HRH1: variants seen among roughly 807,000 people sequenced by gnomAD.
The protein encoded by HRH1 is histamine receptor H1.
A neutral mutation model predicts 10.3 loss-of-function variants in HRH1; 6 were observed. The observed-to-expected ratio is 0.58, with a 90% CI of 0.32 to 1.15. The LOEUF (loss-of-function observed/expected upper bound fraction) is 1.15, where lower values mean the gene tolerates loss of function less well. Ranked by LOEUF, HRH1 falls within the 50% of genes most tolerant of loss-of-function variation. The pLI, the probability that HRH1 is intolerant of heterozygous loss-of-function variation, is 0.05. For synonymous variants in HRH1, 242 were observed against 236.7 expected (o/e 1.02, Z -0.21); for missense variants, 514 against 615.3 (o/e 0.84, Z 1.74).
intron 1 of HRH1, among the ~76,000 whole-genome samples, chr3:11,197,370 C>T (rs1937702306): frequency 6.6e-6 from 1 of 152,164 alleles, no homozygotes; most frequent in Non-Finnish European, 1.5e-5. Context: ...TTTTGCCCAA[C>T]TTTATAACTT....
chr3:11,199,112 G>T (rs776731427), intron 1 of HRH1, among the ~76,000 whole-genome samples: 1 of 151,980 alleles, frequency 6.6e-6, no homozygotes, highest in African/African-American at 2.4e-5. Flanking sequence ...TTAGCAGAGG[G>T]TTTCACCGTG....
At chr3:11,218,959 C>T (rs571438966) in intron 1 of HRH1, among the ~76,000 whole-genome samples, 21 of 152,250 alleles carry the variant, frequency 1.4e-4, no homozygotes, top group Admixed American at 5.9e-4. Flanking sequence ...GGCGTGATCT[C>T]GGCTCACTGC....
intron 1 of HRH1, among the ~76,000 whole-genome samples, chr3:11,172,880 T>C (rs1332007658): frequency 6.9e-6 from 1 of 145,492 alleles, no homozygotes; most frequent in African/African-American, 2.5e-5. Context: ...TTTTTTGTAT[T>C]TTTAGTAGAG....
rs1281109347 is a variant in HRH1 at position 11,259,726 on chromosome 3, C to G, written c.689C>G (p.Ser230Cys). 2 of 1,614,022 alleles carry G rather than the reference C, an allele frequency of 1.2e-6. No individual in the cohort carries two copies. Among genetic ancestry groups the G allele is most frequent in the Non-Finnish European group, 1.7e-6 (2 of 1,179,960 alleles). ...CAGCACCGGGAGCTCATCAATAGGT[C>G]CCTCCCTTCCTTCTCAGAAATTAAG... ...HCQHRELINR[S>C]LPSFSEIKLR... Residue 230 changes from serine (S) to cysteine (C), a missense_variant, in exon 2 of 2, where the codon TCC becomes TGC. Physicochemically the swap from Ser to Cys is moderately radical, Grantham distance 112. Coordinates refer to ENST00000431010, the MANE Select transcript of HRH1 (RefSeq NM_001098212.2). The surrounding 1 kb of genome is among the most constrained non-coding windows in gnomAD (Gnocchi z 4.6).
chr3:11,254,868 T>C (rs1939743947), intron 1 of HRH1, among the ~76,000 whole-genome samples: 1 of 151,786 alleles, frequency 6.6e-6, no homozygotes, highest in Non-Finnish European at 1.5e-5. Context: ...AGGGCAGGGG[T>C]TTTTAATCCC....
intron 1 of HRH1, among the ~76,000 whole-genome samples, chr3:11,223,740 G>A (rs1245384580): frequency 6.6e-6 from 1 of 152,194 alleles, no homozygotes; most frequent in East Asian, 1.9e-4. Context: ...AGAAAAGGGG[G>A]AAAGGGAAAT....
intron 1 of HRH1, among the ~76,000 whole-genome samples, chr3:11,162,285 A>G (rs1190209203): frequency 1.3e-5 from 2 of 152,098 alleles, no homozygotes; most frequent in African/African-American, 2.4e-5. Flanking sequence ...CTGGGTTATA[A>G]GGTGATGATG....
chr3:11,227,596 A>G (rs1190576337), intron 1 of HRH1, among the ~76,000 whole-genome samples: 7 of 152,050 alleles, frequency 4.6e-5, no homozygotes, highest in Admixed American at 6.6e-5. Flanking sequence ...TTACCTTTTC[A>G]TTATGTAAAT....
At chr3:11,212,748 A>G (rs188170294) in intron 1 of HRH1, among the ~76,000 whole-genome samples, 5 of 152,346 alleles carry the variant, frequency 3.3e-5, no homozygotes, top group Admixed American at 3.3e-4. Context: ...AATTAAGGAC[A>G]TGGGTTCTGG....
At chr3:11,138,102 G>A (rs904033888) in intron 1 of HRH1, among the ~76,000 whole-genome samples, 3 of 151,512 alleles carry the variant, frequency 2.0e-5, no homozygotes, top group South Asian at 2.1e-4. Flanking sequence ...TGCAAGCTCC[G>A]TCTCCCAGGT....
chr3:11,202,220 A>G (rs1937945466), intron 1 of HRH1, among the ~76,000 whole-genome samples: 1 of 152,144 alleles, frequency 6.6e-6, no homozygotes. Context: ...CCTGGCCAAC[A>G]TGGCGAAACC....
chr3:11,145,361 C>T (rs1936414632), intron 1 of HRH1, among the ~76,000 whole-genome samples: 6 of 152,114 alleles, frequency 3.9e-5, no homozygotes, highest in Admixed American at 3.9e-4. Flanking sequence ...ATGCCCTTAG[C>T]CTTCTCTTTG....
At position 11,242,509 on chromosome 3, in the gene HRH1, A is replaced by AAAAAAAAAAAAAAT. The variant is rs1559283215; in HGVS notation, c.-35-16494_-35-16493insAAAAAAAAAAAAAT. Among the ~76,000 whole-genome samples, 55 of 120,804 alleles carry AAAAAAAAAAAAAAT rather than the reference A, an allele frequency of 4.6e-4. 2 individuals carry two copies. The highest frequency in any genetic ancestry group is 1.8e-3 in the African/African-American group (53 of 30,214). 79.3% of individuals were successfully genotyped at this position (120,804 alleles called of 152,430 possible). A position where few individuals can be genotyped will look rare whatever the true frequency, so the allele number is the denominator to read the frequency against. ...AAAAAAAAAAAAAAAAAAAAAAAAA[A>AAAAAAAAAAAAAAT]GCTGTAACACTCACTGCAAAGGTCT... On this transcript the variant is annotated intron_variant, in intron 1 of 1. Coordinates refer to ENST00000431010, the MANE Select transcript of HRH1 (RefSeq NM_001098212.2).
intron 1 of HRH1, among the ~76,000 whole-genome samples, chr3:11,147,701 C>T (rs1936485504): frequency 6.6e-6 from 1 of 152,180 alleles, no homozygotes; most frequent in African/African-American, 2.4e-5. Flanking sequence ...GTAAGATCCT[C>T]ACTACACCCA....
chr3:11,152,490 C>G (rs1357532314), upstream of HRH1, among the ~76,000 whole-genome samples: 1 of 152,174 alleles, frequency 6.6e-6, no homozygotes, highest in African/African-American at 2.4e-5. Flanking sequence ...AGGCCTAAAA[C>G]TAGCCCAGGA....
At chr3:11,228,728 A>G (rs1187014065) in intron 1 of HRH1, among the ~76,000 whole-genome samples, 2 of 152,082 alleles carry the variant, frequency 1.3e-5, no homozygotes, top group East Asian at 1.9e-4. Flanking sequence ...CCCGGCCAAC[A>G]TGGCAAAACC....
At chr3:11,144,554 CGT>C (rs1254044608) in intron 1 of HRH1, among the ~76,000 whole-genome samples, 1 of 119,002 alleles carries the variant, frequency 8.4e-6, no homozygotes, top group Non-Finnish European at 1.7e-5. Context: ...AGAATAAAAT[CGT>C]GTCTTTTGCA....
chr3:11,176,571 G>A (rs540932037), intron 1 of HRH1, among the ~76,000 whole-genome samples: 91 of 152,132 alleles, frequency 6.0e-4, no homozygotes, highest in African/African-American at 1.0e-3. Flanking sequence ...ACTGCTCCAG[G>A]TATGGCCTAC....
At chr3:11,196,953 CAAAAAAAAAAA>C (rs35134148) in intron 1 of HRH1, among the ~76,000 whole-genome samples, 1 of 110,470 alleles carries the variant, frequency 9.1e-6, no homozygotes, top group Non-Finnish European at 1.8e-5. Context: ...ACTAAAAATA[CAAAAAAAAAAA>C]AAAAAAAAAA....
Sources: allele counts gnomAD v4.1 joint callset (sites outside exome capture counted in the v4.1 genomes callset), GRCh38; gene constraint gnomAD v4.1.1; non-coding constraint Gnocchi (gnomAD v3.1); transcripts MANE v1.5; gene names NCBI Gene and HGNC (gene_info 2026-07-23, HGNC 2026-07-21).